The following DGKI variants were observed in gnomAD, a reference collection of about 807,000 sequenced individuals.
DGKI encodes diacylglycerol kinase iota.
In DGKI, 55 loss-of-function variants were observed where a neutral mutation model predicts 147.5. That is an observed-to-expected ratio of 0.37 (90% CI 0.30 to 0.47). The LOEUF (loss-of-function observed/expected upper bound fraction) is 0.47. DGKI is among the 20% of genes least tolerant of loss of function. The pLI is 1.00. For synonymous variants in DGKI, 469 were observed against 477.1 expected (o/e 0.98, Z 0.22); for missense variants, 1,007 against 1,323.8 (o/e 0.76, Z 3.71).
chr7:137,533,599 A>T (rs566457338), intron 20 of DGKI, among the ~76,000 whole-genome samples: 1 of 152,138 alleles, frequency 6.6e-6, no homozygotes, highest in Non-Finnish European at 1.5e-5. Flanking sequence ...CTTTTCCTGG[A>T]CAACAAAATA....
intron 25 of DGKI, 101 bp from the exon 26 acceptor site, chr7:137,466,136 G>A (rs966778843): frequency 7.8e-6 from 11 of 1,403,678 alleles, no homozygotes; most frequent in African/African-American, 4.3e-5. Context: ...GGATCACACT[G>A]TGTTGTCAGA....
At chr7:137,627,983 T>G (rs1178105387) in intron 6 of DGKI, among the ~76,000 whole-genome samples, 1 of 152,216 alleles carries the variant, frequency 6.6e-6, no homozygotes, top group Non-Finnish European at 1.5e-5. Flanking sequence ...TTTAAAACTC[T>G]TTATAACACT....
At chr7:137,435,601 T>C (rs1813249985) in intron 28 of DGKI, among the ~76,000 whole-genome samples, 1 of 152,068 alleles carries the variant, frequency 6.6e-6, no homozygotes, top group African/African-American at 2.4e-5. Flanking sequence ...GAGCACTGTT[T>C]TTTACAACGG....
chr7:137,647,505 TG>T (rs1358764243), intron 5 of DGKI, among the ~76,000 whole-genome samples: 1 of 152,252 alleles, frequency 6.6e-6, no homozygotes, highest in Admixed American at 6.5e-5. Flanking sequence ...AATGCTGGGC[TG>T]GGCCCAGCTG....
intron 27 of DGKI, among the ~76,000 whole-genome samples, chr7:137,445,702 G>A (rs1813688426): frequency 6.6e-6 from 1 of 152,078 alleles, no homozygotes; most frequent in African/African-American, 2.4e-5. Flanking sequence ...TCATGTTACT[G>A]TAAAACCATC....
In DGKI at chr7:137,635,975, C is replaced by T. The variant is rs1012121687; in HGVS notation, c.804+9497G>A. On this transcript the variant is annotated intron_variant, in intron 6 of 32. Transcript: ENST00000614521. Reference sequence around the variant, plus strand: ...CTTAAACTTTAAGCTACTGCTGCACCCAGTTACTTTGGAATTTTTGTGTTA... The same window carrying T: ...CTTAAACTTTAAGCTACTGCTGCACTCAGTTACTTTGGAATTTTTGTGTTA... Among the ~76,000 whole-genome samples the T allele has an allele frequency of 2.0e-5, 3 of 152,256 alleles. No homozygotes were observed. In the South Asian group the frequency reaches 6.2e-4, roughly 32 times the overall value.
At chr7:137,752,816 G>C (rs1477840578) in intron 1 of DGKI, among the ~76,000 whole-genome samples, 1 of 152,112 alleles carries the variant, frequency 6.6e-6, no homozygotes, top group African/African-American at 2.4e-5. Flanking sequence ...GCTCCCGGCC[G>C]AATAAAGCCC....
At chr7:137,590,897 C>T (rs995068740) in intron 12 of DGKI, among the ~76,000 whole-genome samples, 8 of 152,120 alleles carry the variant, frequency 5.3e-5, no homozygotes, top group Non-Finnish European at 1.2e-4. Context: ...CGGCTTTTGC[C>T]GTATTGCCCA....
chr7:137,810,488 G>A (rs1030076103), intron 1 of DGKI, among the ~76,000 whole-genome samples: 5 of 152,194 alleles, frequency 3.3e-5, no homozygotes, highest in African/African-American at 1.2e-4. Context: ...AGGCAAAGCA[G>A]AGAAAACAAG....
intron 1 of DGKI, among the ~76,000 whole-genome samples, chr7:137,776,506 G>T (rs997904740): frequency 1.3e-5 from 2 of 152,178 alleles, no homozygotes; most frequent in African/African-American, 4.8e-5. Context: ...ACGTGTGTGT[G>T]TTTATTCATA....
intron 1 of DGKI, among the ~76,000 whole-genome samples, chr7:137,775,351 T>C (rs1433174417): frequency 6.6e-6 from 1 of 152,230 alleles, no homozygotes; most frequent in Non-Finnish European, 1.5e-5. Flanking sequence ...AAGGAAATAC[T>C]GACTTCTCTG....
At chr7:137,492,099 A>G (rs1052592196) in intron 21 of DGKI, among the ~76,000 whole-genome samples, 3 of 152,338 alleles carry the variant, frequency 2.0e-5, no homozygotes, top group African/African-American at 7.2e-5. Flanking sequence ...CATCATTCCC[A>G]AGAAACAGTT....
intron 28 of DGKI, among the ~76,000 whole-genome samples, chr7:137,440,278 T>C (rs1393799534): frequency 1.3e-5 from 2 of 152,242 alleles, no homozygotes; most frequent in Non-Finnish European, 2.9e-5. Flanking sequence ...GGGTTTAGCA[T>C]GGCAGGTTTC....
At chr7:137,490,754 T>C (rs1815734833) in intron 21 of DGKI, among the ~76,000 whole-genome samples, 1 of 152,208 alleles carries the variant, frequency 6.6e-6, no homozygotes, top group Admixed American at 6.5e-5. Context: ...ACTTATCACC[T>C]GAGCACCAGT....
chr7:137,584,286 C>T (rs888838542), intron 14 of DGKI, among the ~76,000 whole-genome samples: 6 of 152,072 alleles, frequency 3.9e-5, no homozygotes, highest in African/African-American at 1.2e-4. Context: ...GATTCTTACA[C>T]ATACAGAGTT....
intron 3 of DGKI, among the ~76,000 whole-genome samples, chr7:137,677,382 C>G (rs1271312439): frequency 6.6e-6 from 1 of 152,200 alleles, no homozygotes; most frequent in Non-Finnish European, 1.5e-5. Context: ...CTCCAGGTTT[C>G]CCGACTTCCA....
chr7:137,602,833 A>G (rs1232160870), intron 10 of DGKI, among the ~76,000 whole-genome samples: 3 of 152,070 alleles, frequency 2.0e-5, no homozygotes, highest in African/African-American at 7.2e-5. Flanking sequence ...TAGTTATCAC[A>G]TGCTATAATG....
At chr7:137,595,500 T>C (rs527438762) in intron 12 of DGKI, among the ~76,000 whole-genome samples, 1 of 152,324 alleles carries the variant, frequency 6.6e-6, no homozygotes, top group South Asian at 2.1e-4. Flanking sequence ...CTGGTGGCTG[T>C]CCTATTCTTC....
In DGKI at chr7:137,608,993, A is replaced by C. The variant is rs200718569; in HGVS notation, c.1140T>G (p.Phe380Leu). 4 of 1,613,556 alleles carry C rather than the reference A, an allele frequency of 2.5e-6. No individual in the cohort carries two copies. Residue 380 changes from phenylalanine to leucine, a missense_variant, in exon 10 of 33, where the codon TTT (phenylalanine) becomes TTG (leucine). Phe to Leu is a conservative substitution (Grantham distance 22, BLOSUM62 0). Transcript: ENST00000614521. Reference sequence around the variant, plus strand: ...GGTTGCCTCCACTCTTGGGATTCACAAATACAAGCAAGGGTTTCATGAGAG... The same window carrying C: ...GGTTGCCTCCACTCTTGGGATTCACCAATACAAGCAAGGGTTTCATGAGAG... ...SSPLMKPLLV[F>L]VNPKSGGNQG... is the part of the protein sequence containing the mutation.
Sources: gnomAD v4.1 joint callset for allele counts (sites outside exome capture counted in the v4.1 genomes callset) on GRCh38, gnomAD v4.1.1 for gene constraint, MANE v1.5 for transcripts, NCBI Gene and HGNC (gene_info 2026-07-23, HGNC 2026-07-21) for gene names.